Variants in GNAO1 observed in about 807,000 individuals in gnomAD.
GNAO1 encodes G protein subunit alpha o1.
For synonymous variants in GNAO1, 164 were observed against 180.7 expected, an observed-to-expected ratio of 0.91 and a Z score of 0.74; for missense variants, 166 against 478.7, an observed-to-expected ratio of 0.35 and a Z score of 6.10.
At position 56,326,514 on chromosome 16, in the gene GNAO1, A is replaced by C. The variant is rs142610441; in HGVS notation, c.304-2117A>C. On this transcript the variant is annotated intron_variant, in intron 3 of 8. Coordinates refer to ENST00000262493, the MANE Select transcript of GNAO1 (RefSeq NM_020988.3). The surrounding 1 kb of genome is among the most constrained non-coding windows in gnomAD (Gnocchi z 4.8). The stretch of plus-strand genomic sequence containing the variant: ...TATTTGGGAGGTCATTTCAGGAAGC[A>C]CCGAGGAAGTGGGGAAGCCACACAG... 6.0e-4 allele frequency among the ~76,000 whole-genome samples: 91 copies of C among 152,354 alleles called. No homozygotes were observed. The East Asian group carries it at 0.015, about 25-fold the overall frequency.
In GNAO1 at chr16:56,334,863, G is replaced by A. The variant is rs367545187; in HGVS notation, c.593+6G>A. 1.9e-6 allele frequency: 3 copies of A among 1,613,814 alleles called. No individual in the cohort carries two copies. Among genetic ancestry groups the A allele is most frequent in the Admixed American group, 1.7e-5 (1 of 60,026 alleles). ...TTCAAGAACCTCCACTTCAGGTGAG[G>A]CCCAGAGAGGCCCCCAGGCCCTGGC... On this transcript the variant is annotated splice_donor_region_variant and intron_variant, in intron 5 of 8. Transcript: ENST00000262493.
At position 56,334,118 on chromosome 16, in the gene GNAO1, G is replaced by A. The variant is rs2037717546; in HGVS notation, c.465-611G>A. On this transcript the variant is annotated intron_variant, in intron 4 of 8. Coordinates refer to ENST00000262493, the MANE Select transcript of GNAO1 (RefSeq NM_020988.3). ...AAAGACCGGGTCCCAGGGAGGCCCAGCCGCTGTATGGCTGTGCAGCCCTGA... is the reference window on the plus strand; with the variant it reads ...AAAGACCGGGTCCCAGGGAGGCCCAACCGCTGTATGGCTGTGCAGCCCTGA... Among the ~76,000 whole-genome samples, 5 of 152,366 alleles carry A rather than the reference G, an allele frequency of 3.3e-5. No homozygotes were observed. The South Asian group carries it at 1.0e-3, about 32-fold the overall frequency.
At chr16:56,321,253 G>A (rs1025654066) in intron 3 of GNAO1, among the ~76,000 whole-genome samples, 5 of 152,162 alleles carry the variant, frequency 3.3e-5, no homozygotes, top group African/African-American at 1.2e-4. Context: ...ATCCTCCAAT[G>A]GATTTTTAAA....
intron 3 of GNAO1, among the ~76,000 whole-genome samples, chr16:56,281,937 A>G (rs1254415946): frequency 6.6e-6 from 1 of 152,274 alleles, no homozygotes; most frequent in African/African-American, 2.4e-5. Flanking sequence ...GTGTGTATGT[A>G]TGTACATCCT....
At chr16:56,289,035 G>GA (rs1446050343) in intron 3 of GNAO1, among the ~76,000 whole-genome samples, 3,753 of 151,900 alleles carry the variant, frequency 0.025, 70 homozygotes, top group Admixed American at 0.035. Flanking sequence ...TCCAAAAAAG[G>GA]GGGGGGGAGC....
rs4784656 is a variant in GNAO1 at position 56,334,583 on chromosome 16, T to C, written c.465-146T>C. ...CACTTCCTCAGTCGCCCCCACTCCC[T>C]ATGGCCTGGAATGGAGGTGATGTCT... On this transcript the variant is annotated intron_variant, in intron 4 of 8. Transcript: ENST00000262493. The C allele has an allele frequency of 0.34, 280,518 of 813,478 alleles. 50,959 individuals carry two copies. The highest frequency in any genetic ancestry group is 0.42 in the South Asian group (23,494 of 56,138). The allele number at this position is 813,478 out of a possible 1,614,324, so 50.4% of individuals were successfully genotyped here.
At chr16:56,346,020 T>TA (rs1291311255) in intron 6 of GNAO1, 2 of 984,966 alleles carry the variant, frequency 2.0e-6, no homozygotes, top group African/African-American at 3.5e-5. Flanking sequence ...TCCCTGTCCC[T>TA]AGAACTGGGG....
chr16:56,291,148 G>A (rs2037228727), intron 3 of GNAO1, among the ~76,000 whole-genome samples: 1 of 152,166 alleles, frequency 6.6e-6, no homozygotes, highest in Non-Finnish European at 1.5e-5. Context: ...CAAAACTGAT[G>A]GTTCATAAGG....
intron 2 of GNAO1, among the ~76,000 whole-genome samples, chr16:56,257,395 C>T (rs1366225286): frequency 2.6e-5 from 4 of 152,156 alleles, no homozygotes; most frequent in African/African-American, 9.7e-5. Context: ...AGGTTTGTTT[C>T]CCATCACTCT....
At position 56,210,911 on chromosome 16, in the gene GNAO1, T is replaced by C. The variant is rs572634976; in HGVS notation, c.161+18295T>C. ...TTGCTTCATTTTTTGAATTGCATTTTGTATCTGTTTCTGGTATATAGAAAT... is the reference window on the plus strand; with the variant it reads ...TTGCTTCATTTTTTGAATTGCATTTCGTATCTGTTTCTGGTATATAGAAAT... On this transcript the variant is annotated intron_variant, in intron 2 of 8. Coordinates refer to ENST00000262493, the MANE Select transcript of GNAO1 (RefSeq NM_020988.3). Among the ~76,000 whole-genome samples, 212 of 152,374 alleles carry C rather than the reference T, an allele frequency of 1.4e-3. 1 individual carries two copies. The highest frequency in any genetic ancestry group is 4.9e-3 in the African/African-American group (204 of 41,590).
At chr16:56,277,200 G>A (rs578183050) in intron 3 of GNAO1, among the ~76,000 whole-genome samples, 7 of 152,370 alleles carry the variant, frequency 4.6e-5, no homozygotes, top group African/African-American at 7.2e-5. Context: ...GCCAGCCTGC[G>A]GTGGAGAAGC....
intron 2 of GNAO1, among the ~76,000 whole-genome samples, chr16:56,265,955 GC>G (rs2036948690): frequency 6.6e-6 from 1 of 152,048 alleles, no homozygotes; most frequent in Non-Finnish European, 1.5e-5. Flanking sequence ...CACTAAAGGT[GC>G]CCCGGGGCCT....
chr16:56,339,025 G>C lies in GNAO1; in HGVS notation c.723+2165G>C, dbSNP rs183456451. Among the ~76,000 whole-genome samples the C allele has an allele frequency of 3.2e-3, 484 of 152,372 alleles. 1 individual carries two copies. Among genetic ancestry groups the C allele is most frequent in the Middle Eastern group, 0.017 (5 of 294 alleles). ...CTTCCTGTGTCCTTCCTTCCCCAAGGCTGGCCACCTTTGCAGCCCGGGGAA... is the reference window on the plus strand; with the variant it reads ...CTTCCTGTGTCCTTCCTTCCCCAAGCCTGGCCACCTTTGCAGCCCGGGGAA... On this transcript the variant is annotated intron_variant, in intron 6 of 8. Transcript: ENST00000262493.
At position 56,345,056 on chromosome 16, in the gene GNAO1, C is replaced by G. The variant is rs954127237; in HGVS notation, c.724-6328C>G. ...GACCCAGGCCAGCACAAACACACCC[C>G]CCTGTCCCCAACTCTAAAGGGAGAG... On this transcript the variant is annotated intron_variant, in intron 6 of 8. Transcript: ENST00000262493. 3.3e-5 allele frequency: 33 copies of G among 985,302 alleles called. No homozygotes were observed. The African/African-American group carries it at 5.1e-4, about 15-fold the overall frequency. 61.0% of individuals were successfully genotyped at this position (985,302 alleles called of 1,614,324 possible).
chr16:56,233,980 A>G (rs1364564155), intron 2 of GNAO1, among the ~76,000 whole-genome samples: 5 of 152,214 alleles, frequency 3.3e-5, no homozygotes, highest in South Asian at 2.1e-4. Flanking sequence ...GCTGGGAAGC[A>G]TGGTATTGAT....
Position 56,351,688 on chromosome 16 carries a change from C to T in GNAO1, c.877+151C>T. The stretch of plus-strand genomic sequence containing the variant: ...GGTGGGGCGCAAAAGAAAAACAGTG[C>T]TGTGCCACCAGGTTTGGGCTTCCCA... On this transcript the variant is annotated intron_variant, in intron 7 of 8. Transcript: ENST00000262493. The surrounding 1 kb of genome is among the most constrained non-coding windows in gnomAD (Gnocchi z 6.1). The T allele has an allele frequency of 1.6e-6, 1 of 639,142 alleles. No individual in the cohort carries two copies. The highest frequency in any genetic ancestry group is 2.7e-6 in the Non-Finnish European group (1 of 367,810). 39.6% of individuals were successfully genotyped at this position (639,142 alleles called of 1,614,324 possible). A position where few individuals can be genotyped will look rare whatever the true frequency, so the allele number is the denominator to read the frequency against.
At chr16:56,349,664 G>A (rs570665911) in intron 6 of GNAO1, among the ~76,000 whole-genome samples, 5 of 152,344 alleles carry the variant, frequency 3.3e-5, no homozygotes, top group Admixed American at 3.3e-4. Context: ...TTAGCAGAAT[G>A]AAAGGGCAGT....
chr16:56,343,991 G>A (rs1296884818), intron 6 of GNAO1: 1 of 1,602,742 alleles, frequency 6.2e-7, no homozygotes, highest in South Asian at 1.1e-5. Context: ...TGCCTGGCCT[G>A]CCGCCCCCCC....
chr16:56,287,507 C>G (rs1043662654), intron 3 of GNAO1, among the ~76,000 whole-genome samples: 1 of 152,200 alleles, frequency 6.6e-6, no homozygotes. Flanking sequence ...ATGTTAACAG[C>G]TAAGCAAGGT....
Sources: allele counts gnomAD v4.1 joint callset (sites outside exome capture counted in the v4.1 genomes callset), GRCh38; gene constraint gnomAD v4.1.1; non-coding constraint Gnocchi (gnomAD v3.1); transcripts MANE v1.5; gene names NCBI Gene and HGNC (gene_info 2026-07-23, HGNC 2026-07-21).